RAB14: variants seen among roughly 807,000 people sequenced by gnomAD.
The protein encoded by RAB14 is RAB14, member RAS oncogene family.
In RAB14, 3 loss-of-function variants were observed where a neutral mutation model predicts 31.1. The ratio of observed to expected loss-of-function variants is 0.10; its 90% CI spans 0.04 to 0.25. RAB14 has a LOEUF of 0.25. Among genes scored for constraint, RAB14 ranks in the 10% least tolerant of loss-of-function variants. The probability of loss-of-function intolerance (pLI) is 1.00; values close to 1 mark genes in which losing one functional copy is unlikely to be tolerated. For missense variants in RAB14, 111 were observed against 260.1 expected, an observed-to-expected ratio of 0.43 and a Z score of 3.94; for synonymous variants, 85 against 84.9, an observed-to-expected ratio of 1.00 and a Z score of 0.00.
At chr9:121,200,717 CCA>C (rs2053761012) in intron 1 of RAB14, among the ~76,000 whole-genome samples, 1 of 152,184 alleles carries the variant, frequency 6.6e-6, no homozygotes, top group South Asian at 2.1e-4. Flanking sequence ...AAACCACCAG[CCA>C]CAGTGTGAGC....
chr9:121,186,753 C>G (rs2053661707), intron 5 of RAB14, among the ~76,000 whole-genome samples, 200 bp downstream of exon 5: 1 of 152,038 alleles, frequency 6.6e-6, no homozygotes, highest in Admixed American at 6.6e-5. Flanking sequence ...AACAAAAAAC[C>G]TAGGTATAAT....
chr9:121,193,478 G>A (rs10818516), intron 1 of RAB14, 59 bp from the exon 2 acceptor site: 477,912 of 1,080,414 alleles, frequency 0.44, 113,730 homozygotes, highest in South Asian at 0.65. Flanking sequence ...TAATTCAAAC[G>A]GATGACTGAT....
rs2053623988 is a variant in RAB14 at position 121,179,937 on chromosome 9, A to T, written c.*1459T>A. On this transcript the variant is annotated 3_prime_UTR_variant, in exon 8 of 8. Transcript: ENST00000373840. The stretch of plus-strand genomic sequence containing the variant: ...TCAATTCCCAGCCACTGAATCATAA[A>T]TGCAATAAAAAAAATCAACAGAAAT... The T allele has an allele frequency of 6.6e-6, 1 of 151,318 alleles. No homozygotes were observed. Among genetic ancestry groups the T allele is most frequent in the African/African-American group, 2.4e-5 (1 of 41,290 alleles). The allele number at this position is 151,318 out of a possible 1,614,324, so 9.4% of individuals were successfully genotyped here.
At chr9:121,198,195 G>A (rs960139495) in intron 1 of RAB14, among the ~76,000 whole-genome samples, 1 of 151,880 alleles carries the variant, frequency 6.6e-6, no homozygotes, top group African/African-American at 2.4e-5. Context: ...TTTCTCTACC[G>A]ATAAATATTT....
chr9:121,185,674 T>C (rs922710349), intron 5 of RAB14, among the ~76,000 whole-genome samples: 3 of 152,178 alleles, frequency 2.0e-5, no homozygotes, highest in Non-Finnish European at 2.9e-5. Context: ...ACTTTTGAGA[T>C]TGGCTTTTTT....
chr9:121,194,575 T>C (rs2053705017), intron 1 of RAB14, among the ~76,000 whole-genome samples: 2 of 152,116 alleles, frequency 1.3e-5, no homozygotes, highest in Admixed American at 1.3e-4. Context: ...AGCTTTCAGC[T>C]TAAGACAAAA....
intron 4 of RAB14, among the ~76,000 whole-genome samples, chr9:121,189,586 A>C (rs1005702243): frequency 2.6e-5 from 4 of 152,142 alleles, no homozygotes; most frequent in Non-Finnish European, 5.9e-5. Context: ...CTAAGGCAGC[A>C]TTTCCCAAAG....
chr9:121,181,940 G>GTT (rs956230325), intron 7 of RAB14, among the ~76,000 whole-genome samples: 1 of 151,782 alleles, frequency 6.6e-6, no homozygotes, highest in African/African-American at 2.4e-5. Context: ...TAAAGACAGG[G>GTT]TTTCACCATG....
chr9:121,183,892 T>C (rs985057569), intron 5 of RAB14, among the ~76,000 whole-genome samples: 2 of 152,174 alleles, frequency 1.3e-5, no homozygotes, highest in African/African-American at 4.8e-5. Context: ...TGTAAATACC[T>C]TGAAATACTG....
intron 1 of RAB14, among the ~76,000 whole-genome samples, chr9:121,194,094 T>TCACACACACACA (rs56303323): frequency 7.2e-6 from 1 of 138,948 alleles, no homozygotes; most frequent in East Asian, 2.1e-4. Flanking sequence ...AGATTATCAC[T>TCACACACACACA]CACACACACA....
Position 121,190,736 on chromosome 9 carries a change from T to A in RAB14, c.107-5A>T, listed in dbSNP as rs1564320556. ...TGTGAGGACAATCAGCCATAACTGT[T>A]AAGGAGGAAAAAAAGTAATAGCCCA... On this transcript the variant is annotated splice_polypyrimidine_tract_variant and splice_region_variant and intron_variant, in intron 3 of 7. Coordinates refer to ENST00000373840, the MANE Select transcript of RAB14 (RefSeq NM_016322.4). The A allele has an allele frequency of 6.2e-7, 1 of 1,610,618 alleles. No homozygotes were observed. The highest frequency in any genetic ancestry group is 8.5e-7 in the Non-Finnish European group (1 of 1,178,250).
intron 4 of RAB14, 141 bp downstream of exon 4, chr9:121,190,413 C>G (rs2053680354): frequency 1.2e-6 from 1 of 800,848 alleles, no homozygotes; most frequent in African/African-American, 1.8e-5. Context: ...TTTTACATGG[C>G]AACTTAAGAA....
intron 5 of RAB14, among the ~76,000 whole-genome samples, chr9:121,186,419 G>A (rs529958738): frequency 5.9e-5 from 9 of 152,262 alleles, no homozygotes; most frequent in African/African-American, 1.9e-4. Flanking sequence ...GTCTAGCATG[G>A]TGGCTAGCCT....
In RAB14 at chr9:121,178,721, C is replaced by T. The variant is rs937777364; in HGVS notation, c.*2675G>A. 6.6e-6 allele frequency: 1 copy of T among 152,284 alleles called. No individual in the cohort carries two copies. The highest frequency in any genetic ancestry group is 3.4e-3 in the Middle Eastern group (1 of 294). 9.4% of individuals were successfully genotyped at this position (152,284 alleles called of 1,614,324 possible). On this transcript the variant is annotated 3_prime_UTR_variant, in exon 8 of 8. Transcript: ENST00000373840. Reference sequence around the variant, plus strand: ...AAATAATAAGTTACTCCATCAAACACGTTATTATCCATAAAAAAGACTTCA... The same window carrying T: ...AAATAATAAGTTACTCCATCAAACATGTTATTATCCATAAAAAAGACTTCA...
chr9:121,201,473 C>T (rs996446339), intron 1 of RAB14, among the ~76,000 whole-genome samples, 166 bp downstream of exon 1: 1 of 152,068 alleles, frequency 6.6e-6, no homozygotes, highest in African/African-American at 2.4e-5. Flanking sequence ...AGGCCGGCGC[C>T]GCGGCGCTCA....
rs757837280 is a variant in RAB14 at position 121,182,935 on chromosome 9, T to C, written c.465A>G (p.Ala155=). 1.9e-6 allele frequency: 3 copies of C among 1,608,248 alleles called. No homozygotes were observed. Among genetic ancestry groups the C allele is most frequent in the Non-Finnish European group, 2.6e-6 (3 of 1,176,002 alleles). The change falls in exon 7 of 8, where the codon GCA becomes GCG. Residue 155 remains alanine (A), a synonymous_variant. Coordinates refer to ENST00000373840, the MANE Select transcript of RAB14 (RefSeq NM_016322.4). ...ENGLLFLEAS[A]KTGENVEDAF... ...TGTATTTTGGTCACACTTACGTTTT[T>C]GCACTCGCTTCGAGGAACAATAAGC...
In RAB14 at chr9:121,190,562, A is replaced by G. The variant is rs1287481209; in HGVS notation, c.276T>C (p.Asp92=). ...RGAAGALMVY[D]ITRRSTYNHL... is the part of the protein sequence containing the mutation. ...GAAAAATTATCTCTTACCTAGTGAT[A>G]TCATAGACCATAAGAGCTCCCGCAG... Residue 92 remains aspartate (D), a synonymous_variant, in exon 4 of 8, where the codon GAT becomes GAC. Transcript: ENST00000373840. 6.2e-7 allele frequency: 1 copy of G among 1,609,598 alleles called. No individual in the cohort carries two copies. Among genetic ancestry groups the G allele is most frequent in the Non-Finnish European group, 8.5e-7 (1 of 1,177,714 alleles).
intron 4 of RAB14, among the ~76,000 whole-genome samples, chr9:121,188,242 C>T (rs181542516): frequency 4.6e-5 from 7 of 151,952 alleles, no homozygotes. Flanking sequence ...GTTTGATATT[C>T]GTATTATTGG....
intron 3 of RAB14, 144 bp from the exon 4 acceptor site, chr9:121,190,875 TAACA>T (rs2053682797): frequency 1.3e-6 from 1 of 763,130 alleles, no homozygotes; most frequent in South Asian, 2.1e-5. Flanking sequence ...AAAAAAAAAT[TAACA>T]AACACCCAGA....
Sources: gnomAD v4.1 joint callset for allele counts (sites outside exome capture counted in the v4.1 genomes callset) on GRCh38, gnomAD v4.1.1 for gene constraint, MANE v1.5 for transcripts, NCBI Gene and HGNC (gene_info 2026-07-23, HGNC 2026-07-21) for gene names.